Variants in DCTN1 observed in about 807,000 individuals in gnomAD.
DCTN1 encodes 150 kDa dynein-associated polypeptide.
A neutral mutation model predicts 161.2 loss-of-function variants in DCTN1; 61 were observed. The ratio of observed to expected loss-of-function variants is 0.38; its 90% CI spans 0.31 to 0.47. The LOEUF (loss-of-function observed/expected upper bound fraction) is 0.47. Ranked by LOEUF, DCTN1 falls within the 20% of genes least tolerant of loss-of-function variation. DCTN1 has a pLI of 0.99. For missense variants in DCTN1, 1,404 were observed against 1,623.7 expected, an observed-to-expected ratio of 0.86 and a Z score of 2.33; for synonymous variants, 653 against 632.4, an observed-to-expected ratio of 1.03 and a Z score of -0.49.
At position 74,367,361 on chromosome 2, in the gene DCTN1, G is replaced by C. The variant is rs751069902; in HGVS notation, c.2244C>G (p.Asp748Glu). 32 of 1,614,032 alleles carry C rather than the reference G, an allele frequency of 2.0e-5. No homozygotes were observed. Among genetic ancestry groups the C allele is most frequent in the Non-Finnish European group, 2.4e-5 (28 of 1,180,046 alleles). The stretch of plus-strand genomic sequence containing the variant: ...GGCCCAGATACTTCACCTTAATGTG[G>C]TCAGCCAGCTGCATAGTACAGTCCT... ...QPEDCTMQLA[D>E]HIKFTQSALD... Residue 748 changes from aspartate to glutamate, a missense_variant, in exon 19 of 32, where the codon GAC becomes GAG. This residue lies in a region of DCTN1 where 475 missense variants were observed against 489.8 expected (regional missense o/e 0.97). Coordinates refer to ENST00000628224, the MANE Select transcript of DCTN1 (RefSeq NM_004082.5).
At chr2:74,377,778 A>AT in intron 2 of DCTN1, 52 bp from the exon 3 acceptor site, 1 of 1,564,070 alleles carries the variant, frequency 6.4e-7, no homozygotes, top group Non-Finnish European at 8.8e-7. Flanking sequence ...TAGCCAGATC[A>AT]AGGACGGCTG....
chr2:74,377,952 G>A (rs764293712), intron 2 of DCTN1, 48 bp downstream of exon 2: 21 of 1,610,290 alleles, frequency 1.3e-5, no homozygotes, highest in Non-Finnish European at 1.8e-5. Flanking sequence ...CTGCACATGC[G>A]ACAGACATGT....
At position 74,376,509 on chromosome 2, in the gene DCTN1, G is replaced by A. The variant is rs114014887; in HGVS notation, c.414+233C>T. ...TTTTTGATTGGGGAATCTTTGACTT[G>A]GAGTCCTGGGGCAGAGAGAATCATC... On this transcript the variant is annotated intron_variant, in intron 5 of 31. Coordinates refer to ENST00000628224, the MANE Select transcript of DCTN1 (RefSeq NM_004082.5). Among the ~76,000 whole-genome samples, 870 of 152,310 alleles carry A rather than the reference G, an allele frequency of 5.7e-3. 6 individuals carry two copies. Among genetic ancestry groups the A allele is most frequent in the South Asian group, 9.3e-3 (45 of 4,828 alleles).
intron 1 of DCTN1, among the ~76,000 whole-genome samples, chr2:74,379,462 C>G (rs1017638671): frequency 2.6e-5 from 4 of 152,134 alleles, no homozygotes; most frequent in African/African-American, 9.7e-5. Flanking sequence ...CCAGAGGCTC[C>G]AGGACCCCAA....
chr2:74,391,833 C>A (rs1427234883), exon 1 of DCTN1: 3 of 453,830 alleles, frequency 6.6e-6, no homozygotes, highest in Non-Finnish European at 1.3e-5. Flanking sequence ...CCGACCCCAC[C>A]GACGACCGAC....
At chr2:74,368,237 C>G in intron 16 of DCTN1, 106 bp from the exon 17 acceptor site, 1 of 1,450,780 alleles carries the variant, frequency 6.9e-7, no homozygotes, top group East Asian at 2.5e-5. Flanking sequence ...CATGGACACA[C>G]ATGGGAGAGA....
Position 74,369,960 on chromosome 2 carries a change from C to T in DCTN1, c.1392+5G>A, listed in dbSNP as rs1196372433. The T allele has an allele frequency of 6.2e-7, 1 of 1,613,994 alleles. No individual in the cohort carries two copies. The highest frequency in any genetic ancestry group is 2.2e-5 in the East Asian group (1 of 44,876). ...TCAGATGTCAGGGGTCTGCTCTTCTCTTACCAAGTCTCCCACAGTCTCCCT... is the reference window on the plus strand; with the variant it reads ...TCAGATGTCAGGGGTCTGCTCTTCTTTTACCAAGTCTCCCACAGTCTCCCT... On this transcript the variant is annotated splice_donor_5th_base_variant and intron_variant, in intron 13 of 31. Transcript: ENST00000628224. This position sits in a 1 kb window ranked among gnomAD's most constrained non-coding sequence, Gnocchi z 4.9.
intron 16 of DCTN1, 133 bp from the exon 17 acceptor site, chr2:74,368,264 T>C (rs1335275298): frequency 3.2e-6 from 4 of 1,235,602 alleles, no homozygotes; most frequent in Admixed American, 4.1e-5. Context: ...AAATAGCTCT[T>C]ACCTGGGTGG....
chr2:74,362,785 GGAT>G, intron 29 of DCTN1, 56 bp from the exon 30 acceptor site: 2 of 1,552,352 alleles, frequency 1.3e-6, no homozygotes, highest in Non-Finnish European at 1.8e-6. Flanking sequence ...CAGTTCTACT[GGAT>G]TAAGGGTTAG....
chr2:74,368,708 A>G lies in DCTN1; in HGVS notation c.1854+20T>C, dbSNP rs369606521. On this transcript the variant is annotated intron_variant, in intron 16 of 31. Coordinates refer to ENST00000628224, the MANE Select transcript of DCTN1 (RefSeq NM_004082.5). ...CAAGTTCACTAGATTTCTGTGGAAC[A>G]TGTGATTGATTGGCCATACCTTGCA... The G allele has an allele frequency of 1.2e-6, 2 of 1,614,130 alleles. No individual in the cohort carries two copies. Among genetic ancestry groups the G allele is most frequent in the East Asian group, 2.2e-5 (1 of 44,898 alleles).
At chr2:74,373,179 C>T (rs999705126) in intron 6 of DCTN1, 2 of 616,296 alleles carry the variant, frequency 3.2e-6, no homozygotes. Context: ...CACTTTTGTC[C>T]AATCCTTGCA....
chr2:74,370,261 A>G lies in DCTN1; in HGVS notation c.1212T>C (p.Val404=). ...LMEKKNQELE[V]VRQQRERLQE... ...GCAGACGCTCCCGCTGTTGCCTCAC[A>G]ACTTCCAGCTCTTGGTTCTTCTTTT... The change falls in exon 12 of 32, where the codon GTT becomes GTC. Residue 404 remains valine (V), a synonymous_variant. Transcript: ENST00000628224. This position sits in a 1 kb window ranked among gnomAD's most constrained non-coding sequence, Gnocchi z 4.4. The G allele has an allele frequency of 6.2e-7, 1 of 1,614,044 alleles. No homozygotes were observed. Among genetic ancestry groups the G allele is most frequent in the Non-Finnish European group, 8.5e-7 (1 of 1,180,020 alleles).
At chr2:74,385,975 T>A (rs1285770683) in intron 1 of DCTN1, among the ~76,000 whole-genome samples, 2 of 152,224 alleles carry the variant, frequency 1.3e-5, no homozygotes, top group Non-Finnish European at 2.9e-5. Flanking sequence ...AGGTCTCTCT[T>A]CTTATTCACC....
rs532457177 is a variant in DCTN1 at position 74,374,552 on chromosome 2, G to A, written c.415-212C>T. 8.0e-6 allele frequency: 11 copies of A among 1,370,356 alleles called. No homozygotes were observed. The South Asian group carries it at 9.7e-5, about 12-fold the overall frequency. The allele number at this position is 1,370,356 out of a possible 1,614,324, so 84.9% of individuals were successfully genotyped here. A position where few individuals can be genotyped will look rare whatever the true frequency, so the allele number is the denominator to read the frequency against. Reference sequence around the variant, plus strand: ...TGCGGCAGCTTCCCAGCCTGCAAACGGCCGCCGCTCTGACACAGAGGCCCC... The same window carrying A: ...TGCGGCAGCTTCCCAGCCTGCAAACAGCCGCCGCTCTGACACAGAGGCCCC... On this transcript the variant is annotated intron_variant, in intron 5 of 31. Transcript: ENST00000628224.
rs1014421075 is a variant in DCTN1 at position 74,379,863 on chromosome 2, C to G, written c.33+142G>C. On this transcript the variant is annotated intron_variant, in intron 1 of 31. Transcript: ENST00000628224. ...GTCCAGCCTTACACCACCAGGGCTTCGAGGGCTCCTTAGAAAACACAGTCT... is the reference window on the plus strand; with the variant it reads ...GTCCAGCCTTACACCACCAGGGCTTGGAGGGCTCCTTAGAAAACACAGTCT... The G allele has an allele frequency of 4.7e-6, 4 of 853,440 alleles. No homozygotes were observed. In the African/African-American group the frequency reaches 5.0e-5, roughly 11 times the overall value. The allele number at this position is 853,440 out of a possible 1,614,324, so 52.9% of individuals were successfully genotyped here. A position where few individuals can be genotyped will look rare whatever the true frequency, so the allele number is the denominator to read the frequency against.
At chr2:74,368,594 C>A (rs989908364) in intron 16 of DCTN1, 134 bp downstream of exon 16, 2 of 1,197,650 alleles carry the variant, frequency 1.7e-6, no homozygotes, top group Non-Finnish European at 2.4e-6. Context: ...TAATCGGTGA[C>A]TTTGCTGTGT....
At chr2:74,372,983 C>G in intron 6 of DCTN1, 35 bp from the exon 7 acceptor site, 1 of 1,610,886 alleles carries the variant, frequency 6.2e-7, no homozygotes, top group Non-Finnish European at 8.5e-7. Context: ...GAGAAGTAGT[C>G]AGGAAAGAAA....
exon 1 of DCTN1, chr2:74,391,811 C>T (rs778853060): frequency 4.8e-5 from 22 of 453,804 alleles, no homozygotes; most frequent in South Asian, 3.4e-4. Context: ...GTGAGGGGCT[C>T]CGCGCCCAGC....
At chr2:74,387,752 C>G (rs958782956) in intron 1 of DCTN1, among the ~76,000 whole-genome samples, 5 of 149,184 alleles carry the variant, frequency 3.4e-5, no homozygotes, top group Non-Finnish European at 5.9e-5. Context: ...CTCCCGATGT[C>G]CCTGAACCAG....
Sources: gnomAD v4.1 joint callset for allele counts (sites outside exome capture counted in the v4.1 genomes callset) on GRCh38, gnomAD v4.1.1 for gene constraint, gnomAD v4.1.1 regional missense constraint, Gnocchi (gnomAD v3.1) non-coding constraint, MANE v1.5 for transcripts, NCBI Gene and HGNC (gene_info 2026-07-23, HGNC 2026-07-21) for gene names.